PARD3B: variants seen among roughly 807,000 people sequenced by gnomAD.
PARD3B encodes the protein par-3 family cell polarity regulator beta, also known as partitioning defective 3 homolog B.
In PARD3B, 103 loss-of-function variants were observed where a neutral mutation model predicts 130.2. The ratio of observed to expected loss-of-function variants is 0.79; its 90% CI spans 0.67 to 0.93. PARD3B has a LOEUF of 0.93. Ranked by LOEUF, PARD3B falls within the 40% of genes least tolerant of loss-of-function variation. The pLI, the probability that PARD3B is intolerant of heterozygous loss-of-function variation, is 0.00. For synonymous variants in PARD3B, 583 were observed against 553.2 expected, an observed-to-expected ratio of 1.05 and a Z score of -0.76; for missense variants, 1,609 against 1,499.2, an observed-to-expected ratio of 1.07 and a Z score of -1.21.
At chr2:205,367,740 A>G (rs2044663125) in intron 18 of PARD3B, among the ~76,000 whole-genome samples, 1 of 152,196 alleles carries the variant, frequency 6.6e-6, no homozygotes, top group Non-Finnish European at 1.5e-5. Flanking sequence ...AGATTTGCCA[A>G]GAAGATTCTT....
intron 18 of PARD3B, among the ~76,000 whole-genome samples, chr2:205,392,509 A>G (rs6756042): frequency 0.076 from 11,594 of 152,252 alleles, 1,416 homozygotes; most frequent in African/African-American, 0.26. Context: ...ACATATAAAC[A>G]TACCCAGGAT....
At chr2:205,088,374 A>G (rs757250202) in intron 4 of PARD3B, among the ~76,000 whole-genome samples, 5 of 152,218 alleles carry the variant, frequency 3.3e-5, no homozygotes, top group Non-Finnish European at 7.3e-5. Flanking sequence ...ATTCAATCCA[A>G]GTGGACAGAA....
At chr2:205,430,318 T>C (rs1232509635) in intron 19 of PARD3B, among the ~76,000 whole-genome samples, 1 of 152,194 alleles carries the variant, frequency 6.6e-6, no homozygotes. Flanking sequence ...AACGGTCAAC[T>C]GTCTGTTTTA....
Position 205,494,687 on chromosome 2 carries a change from T to A in PARD3B, c.3045-5209T>A, listed in dbSNP as rs936261524. Among the ~76,000 whole-genome samples the A allele has an allele frequency of 5.3e-5, 8 of 152,306 alleles. No homozygotes were observed. The East Asian group carries it at 1.5e-3, about 29-fold the overall frequency. ...CGGCTATAAATGTGCTCTGCTAAATTCCCTCTGCCTTGAAATGCCTGTGAA... is the reference window on the plus strand; with the variant it reads ...CGGCTATAAATGTGCTCTGCTAAATACCCTCTGCCTTGAAATGCCTGTGAA... On this transcript the variant is annotated intron_variant, in intron 20 of 22. Transcript: ENST00000406610.
intron 2 of PARD3B, among the ~76,000 whole-genome samples, chr2:204,777,103 A>G (rs964985747): frequency 2.6e-5 from 4 of 152,230 alleles, no homozygotes; most frequent in East Asian, 1.9e-4. Flanking sequence ...TCACTTTCAG[A>G]TTGGTGAAGT....
In PARD3B at chr2:205,083,537, G is replaced by A. The variant is rs112828176; in HGVS notation, c.505-20889G>A. On this transcript the variant is annotated intron_variant, in intron 4 of 22. Transcript: ENST00000406610. ...CCTCTCTTTGATTTTAATATTATTTGTGCCTCTTCTCTTTCATTTCTTTAT... is the reference window on the plus strand; with the variant it reads ...CCTCTCTTTGATTTTAATATTATTTATGCCTCTTCTCTTTCATTTCTTTAT... Among the ~76,000 whole-genome samples the A allele has an allele frequency of 3.1e-3, 469 of 151,254 alleles. 3 individuals are homozygous for A. Among genetic ancestry groups the A allele is most frequent in the Admixed American group, 6.3e-3 (96 of 15,228 alleles).
chr2:204,790,556 T>G (rs2125473990), intron 2 of PARD3B, among the ~76,000 whole-genome samples: 1 of 152,308 alleles, frequency 6.6e-6, no homozygotes, highest in East Asian at 1.9e-4. Flanking sequence ...AGTGACTGAC[T>G]GAATGAATTT....
intron 3 of PARD3B, among the ~76,000 whole-genome samples, chr2:204,996,664 G>A (rs1198188152): frequency 6.7e-6 from 1 of 149,906 alleles, no homozygotes; most frequent in Non-Finnish European, 1.5e-5. Flanking sequence ...GCAATGGCGG[G>A]CGCCCCTCCC....
At position 205,403,255 on chromosome 2, in the gene PARD3B, A is replaced by C. The variant is rs1451175848; in HGVS notation, c.2741+2132A>C. ...TAATAGATTTACATTAGCATATCTC[A>C]TTTTCAAAATATTTAATGCACCTAA... On this transcript the variant is annotated intron_variant, in intron 19 of 22. Transcript: ENST00000406610. Among the ~76,000 whole-genome samples, 3 of 152,144 alleles carry C rather than the reference A, an allele frequency of 2.0e-5. No homozygotes were observed. The East Asian group carries it at 5.8e-4, about 29-fold the overall frequency.
At chr2:204,851,347 A>G (rs531853034) in intron 2 of PARD3B, among the ~76,000 whole-genome samples, 3 of 152,300 alleles carry the variant, frequency 2.0e-5, no homozygotes. Flanking sequence ...CCCCACCATC[A>G]TGCTAACCAA....
chr2:204,979,376 G>C (rs1453649116), intron 3 of PARD3B, among the ~76,000 whole-genome samples: 1 of 152,158 alleles, frequency 6.6e-6, no homozygotes, highest in Non-Finnish European at 1.5e-5. Flanking sequence ...ACCTGCCAAT[G>C]AACATGCTTT....
intron 1 of PARD3B, among the ~76,000 whole-genome samples, chr2:204,588,658 T>G (rs1258741042): frequency 6.6e-6 from 1 of 152,228 alleles, no homozygotes; most frequent in Non-Finnish European, 1.5e-5. Flanking sequence ...TTTTAATGTT[T>G]GGAATACTGC....
chr2:205,134,990 G>A (rs2032351991), intron 10 of PARD3B, among the ~76,000 whole-genome samples: 1 of 151,528 alleles, frequency 6.6e-6, no homozygotes, highest in African/African-American at 2.4e-5. Flanking sequence ...ACGTTGTCTT[G>A]CAAAGTTAAC....
chr2:205,201,331 G>GT (rs2036976003), intron 15 of PARD3B, among the ~76,000 whole-genome samples: 2 of 101,062 alleles, frequency 2.0e-5, no homozygotes, highest in Non-Finnish European at 4.3e-5. Flanking sequence ...AATCGAAAAG[G>GT]ATAACAGTGA....
chr2:204,934,196 C>A (rs1164512639), intron 2 of PARD3B, among the ~76,000 whole-genome samples: 1 of 152,218 alleles, frequency 6.6e-6, no homozygotes, highest in African/African-American at 2.4e-5. Context: ...CTGTTTCCAT[C>A]ACTGTCATGC....
At chr2:204,654,598 G>A (rs903650798) in intron 1 of PARD3B, among the ~76,000 whole-genome samples, 1 of 152,020 alleles carries the variant, frequency 6.6e-6, no homozygotes, top group Admixed American at 6.5e-5. Context: ...TCCATATAGT[G>A]GATTTTAGTT....
intron 19 of PARD3B, among the ~76,000 whole-genome samples, chr2:205,423,438 GT>G (rs1182525866): frequency 6.6e-6 from 1 of 152,192 alleles, no homozygotes; most frequent in Non-Finnish European, 1.5e-5. Context: ...GCAGTTCTAA[GT>G]ACTTAGTAAA....
In PARD3B at chr2:204,887,339, T is replaced by A. The variant is rs6435257; in HGVS notation, c.223-77813T>A. Among the ~76,000 whole-genome samples the A allele has an allele frequency of 8.2e-3, 1,247 of 152,288 alleles. 10 individuals are homozygous for A. The highest frequency in any genetic ancestry group is 0.028 in the African/African-American group (1,150 of 41,558). ...AGTCACTTGCCACCTGCATATATCT[T>A]TGTTTAAAAAGCATTAGTGGAATAT... is the stretch of plus-strand genomic sequence containing the variant. On this transcript the variant is annotated intron_variant, in intron 2 of 22. Transcript: ENST00000406610. This position sits in a 1 kb window ranked among gnomAD's most constrained non-coding sequence, Gnocchi z 4.2.
chr2:204,666,865 C>A lies in PARD3B; in HGVS notation c.121-19316C>A, dbSNP rs554669780. On this transcript the variant is annotated intron_variant, in intron 1 of 22. Coordinates refer to ENST00000406610, the MANE Select transcript of PARD3B (RefSeq NM_001302769.2). ...GGAGCCATCCAGGTTAAAGTCCTAGCGGTAGATGAGCTTACTGGAGAGAAA... is the reference window on the plus strand; with the variant it reads ...GGAGCCATCCAGGTTAAAGTCCTAGAGGTAGATGAGCTTACTGGAGAGAAA... Among the ~76,000 whole-genome samples the A allele has an allele frequency of 2.0e-5, 3 of 152,110 alleles. No individual in the cohort carries two copies. The South Asian group carries it at 6.2e-4, about 32-fold the overall frequency.
Sources: gnomAD v4.1 joint callset for allele counts (sites outside exome capture counted in the v4.1 genomes callset) on GRCh38, gnomAD v4.1.1 for gene constraint, Gnocchi (gnomAD v3.1) non-coding constraint, MANE v1.5 for transcripts, NCBI Gene and HGNC (gene_info 2026-07-23, HGNC 2026-07-21) for gene names.